GUCY1A2: variants seen among roughly 807,000 people sequenced by gnomAD.
The protein encoded by GUCY1A2 is guanylate cyclase 1 soluble subunit alpha 2.
Under a neutral mutation model 63.5 loss-of-function variants are expected in GUCY1A2, and 27 were observed. That is an observed-to-expected ratio of 0.43 (90% confidence interval 0.31 to 0.59). The LOEUF is 0.59. Ranked by LOEUF, GUCY1A2 falls within the 20% of genes least tolerant of loss-of-function variation. GUCY1A2 has a pLI of 0.11. For synonymous variants in GUCY1A2, 364 were observed against 343.5 expected (o/e 1.06, Z -0.66); for missense variants, 768 against 913.3 (o/e 0.84, Z 2.05).
chr11:106,710,084 T>C (rs1349338254), intron 6 of GUCY1A2, among the ~76,000 whole-genome samples: 1 of 117,776 alleles, frequency 8.5e-6, no homozygotes, highest in African/African-American at 3.4e-5. Flanking sequence ...TATAGTTATA[T>C]ATAATATATA....
intron 4 of GUCY1A2, among the ~76,000 whole-genome samples, chr11:106,937,232 G>A (rs1406813704): frequency 6.6e-6 from 1 of 152,044 alleles, no homozygotes; most frequent in Non-Finnish European, 1.5e-5. Flanking sequence ...TTTTTAAACT[G>A]CCACTAACAT....
intron 5 of GUCY1A2, among the ~76,000 whole-genome samples, chr11:106,800,594 T>C (rs1261351907): frequency 6.6e-6 from 1 of 152,120 alleles, no homozygotes; most frequent in Non-Finnish European, 1.5e-5. Flanking sequence ...TGTAGGGACA[T>C]GGATGAAGCT....
At chr11:107,014,296 C>T (rs1254306533) in intron 1 of GUCY1A2, among the ~76,000 whole-genome samples, 1 of 151,888 alleles carries the variant, frequency 6.6e-6, no homozygotes, top group Non-Finnish European at 1.5e-5. Context: ...ACCATGTTGA[C>T]CAGGATGGTC....
At chr11:106,691,459 T>A (rs1033429008) in intron 7 of GUCY1A2, among the ~76,000 whole-genome samples, 10 of 152,224 alleles carry the variant, frequency 6.6e-5, no homozygotes, top group African/African-American at 2.4e-4. Flanking sequence ...TCTCCCTATC[T>A]TTTAAGTCCT....
At chr11:106,709,163 A>AC (rs1862978210) in intron 6 of GUCY1A2, among the ~76,000 whole-genome samples, 1 of 130,328 alleles carries the variant, frequency 7.7e-6, no homozygotes, top group African/African-American at 2.9e-5. Context: ...CATGTATATA[A>AC]TATATATAAC....
intron 2 of GUCY1A2, among the ~76,000 whole-genome samples, chr11:106,983,866 G>GT (rs1400197778): frequency 6.6e-6 from 1 of 152,118 alleles, no homozygotes; most frequent in Non-Finnish European, 1.5e-5. Flanking sequence ...CCCTTTAACT[G>GT]TAAGAAACAC....
intron 4 of GUCY1A2, among the ~76,000 whole-genome samples, chr11:106,893,403 A>C (rs1181717649): frequency 6.6e-6 from 1 of 152,136 alleles, no homozygotes; most frequent in East Asian, 1.9e-4. Context: ...AACTTAAAGG[A>C]TTGGGGAAAT....
chr11:106,973,102 G>A (rs1232221249), intron 3 of GUCY1A2, among the ~76,000 whole-genome samples: 1 of 152,032 alleles, frequency 6.6e-6, no homozygotes, highest in Non-Finnish European at 1.5e-5. Context: ...TACAGAAGTT[G>A]TCTCTAATTT....
intron 4 of GUCY1A2, among the ~76,000 whole-genome samples, chr11:106,900,080 C>T (rs368479419): frequency 5.9e-5 from 8 of 135,150 alleles, no homozygotes; most frequent in Non-Finnish European, 9.4e-5. Context: ...AGCGAGACTC[C>T]GTCTCAAAAA....
Position 106,998,202 on chromosome 11 carries a change from C to T in GUCY1A2, c.304-12071G>A, listed in dbSNP as rs900827345. ...ACATCAAAACTTGCTCACTTGAGAA[C>T]CAAACTGTAAACTATGTAGTATTTC... is the stretch of plus-strand genomic sequence containing the variant. On this transcript the variant is annotated intron_variant, in intron 1 of 7. Coordinates refer to ENST00000526355, the MANE Select transcript of GUCY1A2 (RefSeq NM_000855.3). 1.2e-4 allele frequency among the ~76,000 whole-genome samples: 18 copies of T among 152,078 alleles called. 1 individual carries two copies. The highest frequency in any genetic ancestry group is 3.9e-4 in the African/African-American group (16 of 41,406).
chr11:106,762,548 A>G (rs1257198519), intron 6 of GUCY1A2, among the ~76,000 whole-genome samples: 1 of 152,150 alleles, frequency 6.6e-6, no homozygotes, highest in Non-Finnish European at 1.5e-5. Flanking sequence ...ATGAAATATA[A>G]TAATACTGAA....
intron 2 of GUCY1A2, among the ~76,000 whole-genome samples, chr11:106,980,587 A>G (rs1861322124): frequency 6.6e-6 from 1 of 152,234 alleles, no homozygotes. Flanking sequence ...AGAAAGCAAC[A>G]TTAGAGTCAG....
intron 6 of GUCY1A2, among the ~76,000 whole-genome samples, chr11:106,723,055 T>C (rs1260054680): frequency 6.6e-6 from 1 of 152,212 alleles, no homozygotes; most frequent in Non-Finnish European, 1.5e-5. Context: ...TATTTTATTA[T>C]GATACAAAGT....
chr11:106,919,983 C>T (rs950149928), intron 4 of GUCY1A2, among the ~76,000 whole-genome samples: 1 of 152,018 alleles, frequency 6.6e-6, no homozygotes, highest in Non-Finnish European at 1.5e-5. Flanking sequence ...TTGAGATGCG[C>T]TAAACCACAG....
At chr11:106,860,327 A>G (rs1859493711) in intron 4 of GUCY1A2, among the ~76,000 whole-genome samples, 1 of 151,836 alleles carries the variant, frequency 6.6e-6, no homozygotes, top group South Asian at 2.1e-4. Flanking sequence ...AGGGGAAAAA[A>G]GGAAAACACA....
intron 3 of GUCY1A2, among the ~76,000 whole-genome samples, chr11:106,975,088 G>T (rs920508036): frequency 1.3e-5 from 2 of 152,080 alleles, no homozygotes; most frequent in Middle Eastern, 3.4e-3. Flanking sequence ...AATAGTATTA[G>T]AACTTGTTAA....
In GUCY1A2 at chr11:106,680,870, C is replaced by T. The variant is rs11211861; in HGVS notation, c.*6679G>A. The T allele has an allele frequency of 0.092, 19,013 of 205,612 alleles. 1,241 individuals are homozygous for T. Among genetic ancestry groups the T allele is most frequent in the Non-Finnish European group, 0.14 (14,004 of 100,456 alleles). The allele number at this position is 205,612 out of a possible 1,614,324, so 12.7% of individuals were successfully genotyped here. Reference sequence around the variant, plus strand: ...GCAGGGCAATAATAGGAGCTGTCATCTTATTTAGATGCTTAGGAATGAATC... The same window carrying T: ...GCAGGGCAATAATAGGAGCTGTCATTTTATTTAGATGCTTAGGAATGAATC... On this transcript the variant is annotated 3_prime_UTR_variant, in exon 8 of 8. Coordinates refer to ENST00000526355, the MANE Select transcript of GUCY1A2 (RefSeq NM_000855.3).
chr11:106,884,734 C>T (rs996726883), intron 4 of GUCY1A2, among the ~76,000 whole-genome samples: 2 of 152,010 alleles, frequency 1.3e-5, no homozygotes, highest in Non-Finnish European at 2.9e-5. Context: ...TGAATGTTAG[C>T]AAGAAGCTAT....
chr11:106,782,011 G>A (rs1408685883), intron 5 of GUCY1A2, among the ~76,000 whole-genome samples: 1 of 152,082 alleles, frequency 6.6e-6, no homozygotes, highest in Non-Finnish European at 1.5e-5. Flanking sequence ...TTGGATATTT[G>A]GGCACAGATG....
Sources: allele counts gnomAD v4.1 joint callset (sites outside exome capture counted in the v4.1 genomes callset), GRCh38; gene constraint gnomAD v4.1.1; transcripts MANE v1.5; gene names NCBI Gene and HGNC (gene_info 2026-07-23, HGNC 2026-07-21).